The following LRRC8A variants were observed in gnomAD, a reference collection of about 807,000 sequenced individuals.
LRRC8A encodes volume-regulated anion channel subunit LRRC8A.
LRRC8A carries 24 observed loss-of-function variants against 52.5 expected under a neutral mutation model. That is an observed-to-expected ratio of 0.46 (90% CI 0.33 to 0.64). The LOEUF (loss-of-function observed/expected upper bound fraction) is 0.64, where lower values mean the gene tolerates loss of function less well. Among genes scored for constraint, LRRC8A ranks in the 30% least tolerant of loss-of-function variants. LRRC8A has a pLI of 0.02. For synonymous variants in LRRC8A, 492 were observed against 494.2 expected (o/e 1.00, Z 0.06); for missense variants, 677 against 1,094.7 (o/e 0.62, Z 5.38).
chr9:128,904,044 AGTTT>A (rs1474872369), intron 2 of LRRC8A, among the ~76,000 whole-genome samples: 1 of 150,842 alleles, frequency 6.6e-6, no homozygotes, highest in Non-Finnish European at 1.5e-5. Flanking sequence ...AAAAAAAAAA[AGTTT>A]GTTACTATTC....
intron 2 of LRRC8A, among the ~76,000 whole-genome samples, chr9:128,890,130 T>TAGTGTGTGTGTG (rs1839548910): frequency 7.8e-6 from 1 of 128,210 alleles, no homozygotes; most frequent in South Asian, 2.7e-4. Context: ...TGGCTTCATT[T>TAGTGTGTGTGTG]TGTGTGTGTG....
intron 3 of LRRC8A, among the ~76,000 whole-genome samples, chr9:128,910,430 A>C (rs4487886): frequency 0.97 from 147,593 of 152,290 alleles, 71,706 homozygotes; most frequent in East Asian, 1. Context: ...CAGTGGGTCA[A>C]ACCTGTAATC....
chr9:128,897,605 C>T (rs546211993), intron 2 of LRRC8A, among the ~76,000 whole-genome samples: 173 of 151,690 alleles, frequency 1.1e-3, no homozygotes, highest in Non-Finnish European at 2.0e-3. Context: ...GGTGCAATGG[C>T]GCAATCTCGG....
chr9:128,884,689 G>A (rs1434521458), intron 1 of LRRC8A, among the ~76,000 whole-genome samples: 1 of 152,184 alleles, frequency 6.6e-6, no homozygotes, highest in Non-Finnish European at 1.5e-5. Flanking sequence ...AGGGGCCCAA[G>A]TTCTGGACCT....
intron 2 of LRRC8A, among the ~76,000 whole-genome samples, chr9:128,900,269 T>C (rs1457642729): frequency 1.3e-5 from 2 of 152,190 alleles, no homozygotes; most frequent in African/African-American, 2.4e-5. Flanking sequence ...TTTCAGGTGC[T>C]CTCTGGGAGA....
Position 128,907,348 on chromosome 9 carries a change from A to AAGGACT in LRRC8A, c.185_190dup (p.Asp63_Ser64insTer). 6.2e-7 allele frequency: 1 copy of AAGGACT among 1,613,850 alleles called. No homozygotes were observed. The highest frequency in any genetic ancestry group is 1.1e-5 in the South Asian group (1 of 91,090). ...CTGCCTGCCTTGTAAGTGGGTCACC[A>AAGGACT]AGGACTCCTGCAATGATTCGTTCCG... On this transcript the variant is annotated stop_gained and inframe_insertion, in exon 3 of 4. Coordinates refer to ENST00000372600, the MANE Select transcript of LRRC8A (RefSeq NM_019594.4). LOFTEE classifies it high-confidence loss of function. The surrounding 1 kb of genome is among the most constrained non-coding windows in gnomAD (Gnocchi z 9.3).
rs113912782 is a variant in LRRC8A, at chr9:128,904,728, T to C, written c.-8-2429T>C. On this transcript the variant is annotated intron_variant, in intron 2 of 3. Coordinates refer to ENST00000372600, the MANE Select transcript of LRRC8A (RefSeq NM_019594.4). ...GCCGGGCATGGGCCAGGTATGGTGG[T>C]TCACACCTGTAATCCCAGTACTTTG... Among the ~76,000 whole-genome samples the C allele has an allele frequency of 9.0e-3, 1,357 of 151,412 alleles. 20 individuals carry two copies. Among genetic ancestry groups the C allele is most frequent in the African/African-American group, 0.03 (1,226 of 41,312 alleles).
chr9:128,904,316 C>A (rs183314825), intron 2 of LRRC8A, among the ~76,000 whole-genome samples: 3 of 151,970 alleles, frequency 2.0e-5, no homozygotes, highest in African/African-American at 7.3e-5. Context: ...GTCAGGAGTT[C>A]GAGACCAGCC....
chr9:128,914,582 C>T (rs970536453), intron 3 of LRRC8A, among the ~76,000 whole-genome samples: 4 of 152,190 alleles, frequency 2.6e-5, no homozygotes, highest in South Asian at 2.1e-4. Context: ...CAACCTCAGA[C>T]GAGTGGCGTG....
Position 128,907,172 on chromosome 9 carries a change from C to T in LRRC8A, c.8C>T (p.Pro3Leu), listed in dbSNP as rs1438107774. 2 of 1,606,496 alleles carry T rather than the reference C, an allele frequency of 1.2e-6. No homozygotes were observed. Among genetic ancestry groups the T allele is most frequent in the Non-Finnish European group, 1.7e-6 (2 of 1,174,210 alleles). The change falls in exon 3 of 4, where the codon CCG (proline) becomes CTG (leucine). Residue 3 changes from proline (P) to leucine (L), a missense_variant. By Grantham distance (98) the Pro-to-Leu change is moderately conservative. Coordinates refer to ENST00000372600, the MANE Select transcript of LRRC8A (RefSeq NM_019594.4). The surrounding 1 kb of genome is among the most constrained non-coding windows in gnomAD (Gnocchi z 9.3). ...TCCCTTTTAGGTTGAACCATGATTC[C>T]GGTGACAGAGCTCCGCTACTTTGCG... MIPVTELRYFADT... is the reference protein window; with the variant it reads MILVTELRYFADT...
chr9:128,909,214 T>A lies in LRRC8A; in HGVS notation c.2050T>A (p.Cys684Ser). 1 of 1,614,188 alleles carries A rather than the reference T, an allele frequency of 6.2e-7. No individual in the cohort carries two copies. Among genetic ancestry groups the A allele is most frequent in the Non-Finnish European group, 8.5e-7 (1 of 1,180,042 alleles). Residue 684 changes from cysteine to serine, a missense_variant, in exon 3 of 4, where the codon TGC (cysteine) becomes AGC (serine). Physicochemically the swap from Cys to Ser is moderately radical, Grantham distance 112. Around this residue, in one of 4 missense-constraint regions of LRRC8A, gnomAD observed 169 missense variants for 217.6 expected, o/e 0.78. Transcript: ENST00000372600. ...GAAGATCCCCACCCAGCTCTTCTAC[T>A]GCCGCAAGCTGCGCTACCTGGACCT... ...IEKIPTQLFYCRKLRYLDLSH... is the reference protein window; with the variant it reads ...IEKIPTQLFYSRKLRYLDLSH...
intron 2 of LRRC8A, among the ~76,000 whole-genome samples, chr9:128,887,517 C>T (rs1363381811): frequency 2.0e-5 from 3 of 152,052 alleles, no homozygotes; most frequent in African/African-American, 7.2e-5. Context: ...TTCTCATCTT[C>T]AGAGGTGTGA....
rs374629783 is a variant in LRRC8A, at chr9:128,916,340, G to A, written c.2402G>A (p.Arg801Gln). 3.5e-5 allele frequency: 56 copies of A among 1,611,728 alleles called. No individual in the cohort carries two copies. Among genetic ancestry groups the A allele is most frequent in the East Asian group, 2.2e-4 (10 of 44,870 alleles). The change falls in exon 4 of 4, where the codon CGG (arginine) becomes CAG (glutamine). Residue 801 changes from arginine (R) to glutamine (Q), a missense_variant. Around this residue, in one of 4 missense-constraint regions of LRRC8A, gnomAD observed 169 missense variants for 217.6 expected, o/e 0.78. Coordinates refer to ENST00000372600, the MANE Select transcript of LRRC8A (RefSeq NM_019594.4). The surrounding 1 kb of genome is among the most constrained non-coding windows in gnomAD (Gnocchi z 6.1). ...FNTLPPEVKE[R>Q]LWRADKEQA Reference sequence around the variant, plus strand: ...ACACTGCCACCCGAGGTGAAGGAGCGGCTGTGGAGGGCTGACAAGGAGCAG... The same window carrying A: ...ACACTGCCACCCGAGGTGAAGGAGCAGCTGTGGAGGGCTGACAAGGAGCAG...
At chr9:128,893,782 A>T (rs762191932) in intron 2 of LRRC8A, among the ~76,000 whole-genome samples, 3 of 152,340 alleles carry the variant, frequency 2.0e-5, no homozygotes, top group Admixed American at 1.3e-4. Context: ...TAATATAGAC[A>T]GCCCTCTACA....
intron 3 of LRRC8A, among the ~76,000 whole-genome samples, chr9:128,914,111 A>G (rs1840690520): frequency 6.6e-6 from 1 of 152,128 alleles, no homozygotes; most frequent in South Asian, 2.1e-4. Flanking sequence ...AGGCTAAGGC[A>G]GGAGAATCAC....
chr9:128,916,809 G>A lies in LRRC8A; in HGVS notation c.*438G>A, dbSNP rs963380153. The A allele has an allele frequency of 2.4e-5, 4 of 166,762 alleles. No homozygotes were observed. The East Asian group carries it at 4.8e-4, about 20-fold the overall frequency. 10.3% of individuals were successfully genotyped at this position (166,762 alleles called of 1,614,324 possible). ...CCAGATGGAAGGTGTTCAGGGAAAG[G>A]TGGGCTGCCTTTTCCCCTTGTCCTT... On this transcript the variant is annotated 3_prime_UTR_variant, in exon 4 of 4. Transcript: ENST00000372600. This position sits in a 1 kb window ranked among gnomAD's most constrained non-coding sequence, Gnocchi z 6.1.
chr9:128,898,322 G>A (rs1839902563), intron 2 of LRRC8A, among the ~76,000 whole-genome samples: 1 of 152,154 alleles, frequency 6.6e-6, no homozygotes, highest in Non-Finnish European at 1.5e-5. Context: ...CTGGGTTCAA[G>A]CAATTCTCCT....
chr9:128,906,008 G>A (rs896665626), intron 2 of LRRC8A, among the ~76,000 whole-genome samples: 2 of 152,180 alleles, frequency 1.3e-5, no homozygotes, highest in Non-Finnish European at 2.9e-5. Context: ...TGTGAGGGAG[G>A]AGAGCCTTAT....
chr9:128,916,261 G>A lies in LRRC8A; in HGVS notation c.2323G>A (p.Glu775Lys), dbSNP rs146661687. Residue 775 changes from glutamate to lysine, a missense_variant, in exon 4 of 4, where the codon GAG (glutamate) becomes AAG (lysine). Physicochemically the swap from Glu to Lys is moderately conservative, Grantham distance 56. This residue lies in a region of LRRC8A where 169 missense variants were observed against 217.6 expected (regional missense o/e 0.78). Transcript: ENST00000372600. The surrounding 1 kb of genome is among the most constrained non-coding windows in gnomAD (Gnocchi z 6.1). Reference sequence around the variant, plus strand: ...GGAGTGCCTGCCTGTGGAGCTGGGCGAGTGCCCACTGCTCAAGCGCAGCGG... The same window carrying A: ...GGAGTGCCTGCCTGTGGAGCTGGGCAAGTGCCCACTGCTCAAGCGCAGCGG... ...RLECLPVELGECPLLKRSGLV... is the reference protein window; with the variant it reads ...RLECLPVELGKCPLLKRSGLV... The A allele has an allele frequency of 1.3e-4, 204 of 1,613,704 alleles. 1 individual carries two copies. Among genetic ancestry groups the A allele is most frequent in the Middle Eastern group, 1.7e-4 (1 of 6,008 alleles).
Sources: gnomAD v4.1 joint callset for allele counts (sites outside exome capture counted in the v4.1 genomes callset) on GRCh38, gnomAD v4.1.1 for gene constraint, gnomAD v4.1.1 regional missense constraint, Gnocchi (gnomAD v3.1) non-coding constraint, MANE v1.5 for transcripts, NCBI Gene and HGNC (gene_info 2026-07-23, HGNC 2026-07-21) for gene names.